Variants in GLRB observed in about 807,000 individuals in gnomAD.
GLRB encodes the protein glycine receptor beta, also known as glycine receptor subunit beta.
In GLRB, 33 loss-of-function variants were observed where a neutral mutation model predicts 54.2. The ratio of observed to expected loss-of-function variants is 0.61; its 90% CI spans 0.46 to 0.81. The LOEUF is 0.81. Among genes scored for constraint, GLRB ranks in the 40% least tolerant of loss-of-function variants. The pLI, the probability that GLRB is intolerant of heterozygous loss-of-function variation, is 0.00. For synonymous variants in GLRB, 209 were observed against 208.2 expected (o/e 1.00, Z -0.03); for missense variants, 572 against 584.6 (o/e 0.98, Z 0.22).
intron 4 of GLRB, among the ~76,000 whole-genome samples, chr4:157,126,228 T>C (rs1579219988): frequency 6.6e-6 from 1 of 152,026 alleles, no homozygotes; most frequent in Non-Finnish European, 1.5e-5. Flanking sequence ...TTTGCTTTTT[T>C]TCTCTAAATT....
chr4:157,076,285 G>A lies in GLRB; in HGVS notation c.-42G>A, dbSNP rs1259605739. On this transcript the variant is annotated 5_prime_UTR_variant, in exon 1 of 10. Coordinates refer to ENST00000264428, the MANE Select transcript of GLRB (RefSeq NM_000824.5). ...CGATCTCGCCCGGCGATTGTGGGCA[G>A]GGGCGCCTCCGGGTAAGTGCCAGGA... 6.6e-6 allele frequency: 1 copy of A among 151,522 alleles called. No homozygotes were observed. The highest frequency in any genetic ancestry group is 1.5e-5 in the Non-Finnish European group (1 of 67,864). The allele number at this position is 151,522 out of a possible 1,614,324, so 9.4% of individuals were successfully genotyped here.
intron 8 of GLRB, among the ~76,000 whole-genome samples, chr4:157,151,437 C>A (rs1175559320): frequency 1.3e-5 from 2 of 152,014 alleles, no homozygotes. Flanking sequence ...CCTACATTAA[C>A]TTTTAAAATA....
chr4:157,081,549 A>T (rs1282757298), intron 2 of GLRB, among the ~76,000 whole-genome samples: 1 of 152,192 alleles, frequency 6.6e-6, no homozygotes, highest in Non-Finnish European at 1.5e-5. Flanking sequence ...CCACCTTTTC[A>T]TTCATACTAC....
intron 2 of GLRB, among the ~76,000 whole-genome samples, chr4:157,112,054 T>A (rs1434247258): frequency 6.6e-6 from 1 of 151,780 alleles, no homozygotes; most frequent in Admixed American, 6.6e-5. Flanking sequence ...ATATTGCAAT[T>A]CCTCACATTT....
chr4:157,122,639 C>T (rs1193489787), intron 4 of GLRB, among the ~76,000 whole-genome samples: 1 of 151,596 alleles, frequency 6.6e-6, no homozygotes, highest in East Asian at 2.0e-4. Context: ...ATGTATTCCC[C>T]CTGAAAAACT....
At chr4:157,170,300 C>T in intron 9 of GLRB, 132 bp from the exon 10 acceptor site, 1 of 631,640 alleles carries the variant, frequency 1.6e-6, no homozygotes, top group Non-Finnish European at 2.8e-6. Flanking sequence ...GATAACCATT[C>T]TCTCTGTTAG....
chr4:157,147,381 C>T (rs377549566), intron 8 of GLRB, among the ~76,000 whole-genome samples: 2 of 152,144 alleles, frequency 1.3e-5, no homozygotes, highest in East Asian at 3.9e-4. Flanking sequence ...ACTAAAGGAG[C>T]TGGGGAGGTC....
At chr4:157,146,593 C>T (rs978499042) in intron 8 of GLRB, among the ~76,000 whole-genome samples, 3 of 151,896 alleles carry the variant, frequency 2.0e-5, no homozygotes, top group Non-Finnish European at 4.4e-5. Flanking sequence ...CAAAGGTGGG[C>T]AAATCACCTG....
intron 2 of GLRB, 98 bp downstream of exon 2, chr4:157,078,244 T>C: frequency 8.3e-6 from 13 of 1,571,166 alleles, no homozygotes; most frequent in African/African-American, 1.4e-5. Flanking sequence ...ACAAAACTTT[T>C]CATATCGGAA....
intron 2 of GLRB, among the ~76,000 whole-genome samples, chr4:157,102,586 A>C (rs2126484685): frequency 6.6e-6 from 1 of 152,302 alleles, no homozygotes; most frequent in African/African-American, 2.4e-5. Flanking sequence ...ATATAAATTT[A>C]GAAAGGAGAC....
intron 4 of GLRB, among the ~76,000 whole-genome samples, chr4:157,123,653 G>A (rs1735911851): frequency 6.6e-6 from 1 of 151,720 alleles, no homozygotes; most frequent in Non-Finnish European, 1.5e-5. Context: ...TGACTCAAGA[G>A]ACACTATAGC....
intron 2 of GLRB, among the ~76,000 whole-genome samples, chr4:157,120,002 G>A (rs1452543059): frequency 1.3e-5 from 2 of 151,730 alleles, no homozygotes; most frequent in East Asian, 3.9e-4. Flanking sequence ...AACAATGATA[G>A]GCTGGATTAA....
At chr4:157,145,755 TAGAA>T (rs1484416554) in intron 8 of GLRB, among the ~76,000 whole-genome samples, 2 of 152,032 alleles carry the variant, frequency 1.3e-5, no homozygotes, top group Non-Finnish European at 2.9e-5. Context: ...AACTGCTTGT[TAGAA>T]AGGCCACAGT....
At chr4:157,148,811 ATTGT>A (rs919730945) in intron 8 of GLRB, among the ~76,000 whole-genome samples, 6 of 150,586 alleles carry the variant, frequency 4.0e-5, no homozygotes, top group African/African-American at 1.5e-4. Flanking sequence ...TGTATTAGTC[ATTGT>A]TTGTTGTGTT....
chr4:157,077,121 A>C (rs1246212875), intron 1 of GLRB, among the ~76,000 whole-genome samples: 1 of 152,140 alleles, frequency 6.6e-6, no homozygotes, highest in Non-Finnish European at 1.5e-5. Context: ...TTTGGAAATG[A>C]AGGTTGCAGA....
At chr4:157,100,134 A>C (rs1734963306) in intron 2 of GLRB, among the ~76,000 whole-genome samples, 1 of 152,178 alleles carries the variant, frequency 6.6e-6, no homozygotes, top group Admixed American at 6.5e-5. Context: ...ATTTATTTTT[A>C]ATAAAATCTG....
intron 2 of GLRB, among the ~76,000 whole-genome samples, chr4:157,116,270 C>G (rs1427049428): frequency 6.6e-6 from 1 of 151,738 alleles, no homozygotes; most frequent in Non-Finnish European, 1.5e-5. Flanking sequence ...ATATAAAACT[C>G]TATTTTCTCT....
intron 7 of GLRB, 119 bp from the exon 8 acceptor site, chr4:157,143,688 C>T (rs1390751040): frequency 3.1e-6 from 3 of 977,244 alleles, no homozygotes; most frequent in Non-Finnish European, 3.1e-6. Context: ...TTTTTTGAGG[C>T]ATTTCCTCTG....
chr4:157,099,462 G>A (rs1481142695), intron 2 of GLRB, among the ~76,000 whole-genome samples: 7 of 151,482 alleles, frequency 4.6e-5, no homozygotes, highest in African/African-American at 1.7e-4. Flanking sequence ...TCAGCCTCAC[G>A]AGTAGCTGGG....
Sources: allele counts gnomAD v4.1 joint callset (sites outside exome capture counted in the v4.1 genomes callset), GRCh38; gene constraint gnomAD v4.1.1; transcripts MANE v1.5; gene names NCBI Gene and HGNC (gene_info 2026-07-23, HGNC 2026-07-21).